Variants in SGCD observed in about 807,000 individuals in gnomAD.
SGCD encodes the protein sarcoglycan delta, also known as delta-sarcoglycan.
In SGCD, 18 loss-of-function variants were observed where a neutral mutation model predicts 36.6. That is an observed-to-expected ratio of 0.49 (90% CI 0.34 to 0.73). The LOEUF is 0.73. Among genes scored for constraint, SGCD ranks in the 30% least tolerant of loss-of-function variants. SGCD has a pLI of 0.01. For missense variants in SGCD, 387 were observed against 346.7 expected (o/e 1.12, Z -0.92); for synonymous variants, 133 against 130.6 (o/e 1.02, Z -0.12).
At chr5:156,461,623 C>T (rs1408445354) in intron 3 of SGCD, among the ~76,000 whole-genome samples, 2 of 151,588 alleles carry the variant, frequency 1.3e-5, no homozygotes, top group African/African-American at 2.4e-5. Context: ...TTTCTCGGGT[C>T]CTTTCCCTTT....
intron 7 of SGCD, among the ~76,000 whole-genome samples, chr5:156,701,375 C>T (rs1340273614): frequency 6.6e-6 from 1 of 152,186 alleles, no homozygotes; most frequent in Non-Finnish European, 1.5e-5. Flanking sequence ...TAATATCCAG[C>T]ATCTGACCAC....
At chr5:156,519,027 CA>C (rs886692875) in intron 4 of SGCD, among the ~76,000 whole-genome samples, 2 of 149,026 alleles carry the variant, frequency 1.3e-5, no homozygotes, top group South Asian at 2.1e-4. Context: ...GTTGGAGACA[CA>C]AAAAAAATTC....
chr5:155,801,236 A>G, the SGCD span, among the ~76,000 whole-genome samples: 11 of 151,986 alleles, frequency 7.2e-5, no homozygotes, highest in Non-Finnish European at 1.6e-4. Context: ...AAACAAAGAC[A>G]TTTCTTGTCT....
chr5:155,948,093 T>A (rs1268396579), intron 1 of SGCD, among the ~76,000 whole-genome samples: 4 of 152,084 alleles, frequency 2.6e-5, no homozygotes, highest in Non-Finnish European at 5.9e-5. Flanking sequence ...GTGACCAACA[T>A]GGTGAAACCC....
intron 3 of SGCD, among the ~76,000 whole-genome samples, chr5:156,359,666 A>G (rs970371496): frequency 6.6e-6 from 1 of 152,160 alleles, no homozygotes; most frequent in African/African-American, 2.4e-5. Context: ...TTGTGGTATT[A>G]TTAAGATGAG....
intron 1 of SGCD, among the ~76,000 whole-genome samples, chr5:155,900,648 C>A (rs1756369845): frequency 6.8e-6 from 1 of 146,200 alleles, no homozygotes; most frequent in South Asian, 2.2e-4. Context: ...TTGTTCAATT[C>A]CCACCTATGA....
chr5:156,543,936 T>G (rs1758455624), intron 4 of SGCD, among the ~76,000 whole-genome samples: 1 of 152,198 alleles, frequency 6.6e-6, no homozygotes, highest in Non-Finnish European at 1.5e-5. Context: ...GTTTTGTGAT[T>G]AAAGGATTTA....
At chr5:155,886,178 C>A (rs528342784) in intron 1 of SGCD, among the ~76,000 whole-genome samples, 1 of 152,034 alleles carries the variant, frequency 6.6e-6, no homozygotes, top group South Asian at 2.1e-4. Flanking sequence ...TAATTTAATT[C>A]AAAAAGAGGT....
intron 3 of SGCD, among the ~76,000 whole-genome samples, chr5:156,351,574 A>G (rs930686957): frequency 5.9e-5 from 9 of 151,378 alleles, no homozygotes; most frequent in African/African-American, 1.7e-4. Context: ...CATAGTAAAC[A>G]CTTTATAGAA....
intron 3 of SGCD, among the ~76,000 whole-genome samples, chr5:156,466,439 TTAATGAA>T (rs1179886594): frequency 6.6e-6 from 1 of 152,224 alleles, no homozygotes; most frequent in Non-Finnish European, 1.5e-5. Flanking sequence ...TCCTCATGTC[TTAATGAA>T]AAAGTTTTTC....
rs572023009 is a variant in SGCD at position 156,639,146 on chromosome 5, GTGTATA to G, written c.503-8314_503-8309del. ...TGTAATATATCTCATATATACATAT[GTGTATA>G]TGTGTATGTGTATATGTATGTGTGT... On this transcript the variant is annotated intron_variant, in intron 6 of 8. Transcript: ENST00000337851. Among the ~76,000 whole-genome samples, 56 of 151,744 alleles carry G rather than the reference GTGTATA, an allele frequency of 3.7e-4. No individual in the cohort carries two copies. In the South Asian group the frequency reaches 6.0e-3, roughly 16 times the overall value.
At chr5:156,535,157 A>T (rs561820826) in intron 4 of SGCD, among the ~76,000 whole-genome samples, 1 of 152,326 alleles carries the variant, frequency 6.6e-6, no homozygotes, top group East Asian at 1.9e-4. Context: ...TGGTTTTGTC[A>T]GAGATTTTTT....
chr5:156,571,598 C>T (rs185083428), intron 4 of SGCD, among the ~76,000 whole-genome samples: 48 of 152,166 alleles, frequency 3.2e-4, no homozygotes, highest in African/African-American at 1.1e-3. Context: ...TCTTAAGGTC[C>T]CCTCTAATTC....
intron 1 of SGCD, among the ~76,000 whole-genome samples, chr5:156,020,399 T>C (rs1581045762): frequency 1.3e-5 from 2 of 152,350 alleles, no homozygotes; most frequent in East Asian, 3.9e-4. Flanking sequence ...ATACTGTCAC[T>C]TGGTTTTTGA....
chr5:156,628,311 A>T (rs1762507312), intron 6 of SGCD, among the ~76,000 whole-genome samples: 1 of 152,210 alleles, frequency 6.6e-6, no homozygotes, highest in South Asian at 2.1e-4. Flanking sequence ...TTGGGTGGGG[A>T]CACAGATCCA....
chr5:156,283,726 T>A (rs1026154346), intron 3 of SGCD, among the ~76,000 whole-genome samples: 4 of 152,198 alleles, frequency 2.6e-5, no homozygotes, highest in Non-Finnish European at 5.9e-5. Context: ...GACCCATTCC[T>A]AGAGTTCTGA....
chr5:156,182,833 T>C (rs1394929482), intron 3 of SGCD, among the ~76,000 whole-genome samples: 1 of 152,212 alleles, frequency 6.6e-6, no homozygotes, highest in Non-Finnish European at 1.5e-5. Context: ...TTAGCAAATG[T>C]AACATATGCA....
chr5:156,764,592 G>A lies in SGCD; in HGVS notation c.*5202G>A, dbSNP rs1436431556. 2 of 152,554 alleles carry A rather than the reference G, an allele frequency of 1.3e-5. No individual in the cohort carries two copies. Among genetic ancestry groups the A allele is most frequent in the Non-Finnish European group, 1.5e-5 (1 of 68,022 alleles). 9.5% of individuals were successfully genotyped at this position (152,554 alleles called of 1,614,324 possible). ...TTTTGAGTATTGTTAGAGCATACAT[G>A]TAAAAGAAAATAACCTTTTTGGGGC... On this transcript the variant is annotated 3_prime_UTR_variant, in exon 9 of 9. Transcript: ENST00000337851.
At chr5:156,159,094 T>A (rs1763028378) in intron 3 of SGCD, among the ~76,000 whole-genome samples, 1 of 151,656 alleles carries the variant, frequency 6.6e-6, no homozygotes, top group Non-Finnish European at 1.5e-5. Flanking sequence ...TGACCAGCAC[T>A]CTGAGCCTCA....
Sources: gnomAD v4.1 joint callset for allele counts (sites outside exome capture counted in the v4.1 genomes callset) on GRCh38, gnomAD v4.1.1 for gene constraint, MANE v1.5 for transcripts, NCBI Gene and HGNC (gene_info 2026-07-23, HGNC 2026-07-21) for gene names.